The following CNTNAP2 variants were observed in gnomAD, a reference collection of about 807,000 sequenced individuals.
The protein encoded by CNTNAP2 is contactin associated protein 2.
CNTNAP2 carries 98 observed loss-of-function variants against 155.2 expected under a neutral mutation model. The observed-to-expected ratio is 0.63, with a 90% CI of 0.54 to 0.75. CNTNAP2 has a LOEUF of 0.75. Ranked by LOEUF, CNTNAP2 falls within the 30% of genes least tolerant of loss-of-function variation. The pLI, the probability that CNTNAP2 is intolerant of heterozygous loss-of-function variation, is 0.00. For synonymous variants in CNTNAP2, 651 were observed against 631.2 expected (o/e 1.03, Z -0.47); for missense variants, 1,727 against 1,688.1 (o/e 1.02, Z -0.40).
chr7:146,753,643 A>T (rs1401896495), intron 1 of CNTNAP2, among the ~76,000 whole-genome samples: 3 of 152,098 alleles, frequency 2.0e-5, no homozygotes, highest in African/African-American at 7.2e-5. Flanking sequence ...TAGAAGTTAT[A>T]TAAGTAAAAA....
At chr7:147,814,344 G>A (rs74351412) in intron 13 of CNTNAP2, among the ~76,000 whole-genome samples, 1,723 of 152,258 alleles carry the variant, frequency 0.011, 95 homozygotes, top group Admixed American at 0.09. Flanking sequence ...TTATTTTGGT[G>A]TCTTTTCTGG....
At chr7:146,382,622 T>TAA (rs34832075) in intron 1 of CNTNAP2, among the ~76,000 whole-genome samples, 1 of 152,170 alleles carries the variant, frequency 6.6e-6, no homozygotes, top group Non-Finnish European at 1.5e-5. Context: ...AAGTAACATT[T>TAA]AAAAATTTTG....
intron 1 of CNTNAP2, among the ~76,000 whole-genome samples, chr7:146,741,268 G>T (rs1238459874): frequency 6.6e-6 from 1 of 152,090 alleles, no homozygotes; most frequent in Non-Finnish European, 1.5e-5. Context: ...TTATTTTTGT[G>T]CATAGATAGC....
At chr7:147,580,986 A>C (rs1421412535) in intron 12 of CNTNAP2, among the ~76,000 whole-genome samples, 1 of 152,186 alleles carries the variant, frequency 6.6e-6, no homozygotes, top group Non-Finnish European at 1.5e-5. Context: ...CATCATCCTC[A>C]ATAAAGTTCT....
At chr7:147,422,136 T>C (rs1436113269) in intron 10 of CNTNAP2, among the ~76,000 whole-genome samples, 2 of 142,370 alleles carry the variant, frequency 1.4e-5, no homozygotes, top group Non-Finnish European at 1.5e-5. Flanking sequence ...ATATACAGTA[T>C]ATATATATAG....
chr7:148,227,884 CGT>C (rs3057282), intron 19 of CNTNAP2, among the ~76,000 whole-genome samples: 30,323 of 130,994 alleles, frequency 0.23, 3,236 homozygotes, highest in East Asian at 0.28. Flanking sequence ...AAGAGCACAG[CGT>C]GTGTGTGTGT....
intron 1 of CNTNAP2, among the ~76,000 whole-genome samples, chr7:146,723,473 C>T (rs1426893348): frequency 6.6e-6 from 1 of 152,152 alleles, no homozygotes; most frequent in Admixed American, 6.5e-5. Flanking sequence ...CTTATTTAGA[C>T]TTACTAAAAT....
At chr7:146,350,682 T>C (rs977341037) in intron 1 of CNTNAP2, among the ~76,000 whole-genome samples, 2 of 152,134 alleles carry the variant, frequency 1.3e-5, no homozygotes, top group Non-Finnish European at 2.9e-5. Context: ...TTACTGGTTA[T>C]ATACCCAAAG....
At chr7:146,619,337 A>C (rs931369257) in intron 1 of CNTNAP2, among the ~76,000 whole-genome samples, 27 of 152,156 alleles carry the variant, frequency 1.8e-4, no homozygotes, top group African/African-American at 6.5e-4. Context: ...CTTCATTATC[A>C]CTATCCATTT....
chr7:147,485,231 A>G (rs1798490344), intron 10 of CNTNAP2, among the ~76,000 whole-genome samples: 1 of 152,200 alleles, frequency 6.6e-6, no homozygotes, highest in Middle Eastern at 3.2e-3. Flanking sequence ...CAAACCTTAA[A>G]ATTATTTGTA....
Position 146,855,835 on chromosome 7 carries a change from A to G in CNTNAP2, c.402+15931A>G, listed in dbSNP as rs1052094112. Among the ~76,000 whole-genome samples the G allele has an allele frequency of 3.0e-4, 41 of 137,866 alleles. 1 individual carries two copies. The highest frequency in any genetic ancestry group is 8.8e-4 in the South Asian group (4 of 4,522). The allele number at this position is 137,866 out of a possible 152,430, so 90.4% of individuals were successfully genotyped here. ...TATATATATATATATATATATATATATATATATATATATATATACACACTT... is the reference window on the plus strand; with the variant it reads ...TATATATATATATATATATATATATGTATATATATATATATATACACACTT... On this transcript the variant is annotated intron_variant, in intron 3 of 23. Coordinates refer to ENST00000361727, the MANE Select transcript of CNTNAP2 (RefSeq NM_014141.6).
At chr7:147,135,076 T>A (rs966272907) in intron 8 of CNTNAP2, among the ~76,000 whole-genome samples, 2 of 151,866 alleles carry the variant, frequency 1.3e-5, no homozygotes, top group Non-Finnish European at 1.5e-5. Context: ...TCAAAAACCT[T>A]TTTTTCCATC....
chr7:146,815,411 T>C (rs1347956418), intron 2 of CNTNAP2, among the ~76,000 whole-genome samples: 1 of 152,166 alleles, frequency 6.6e-6, no homozygotes, highest in East Asian at 1.9e-4. Flanking sequence ...TATTTCTTTG[T>C]AAAATATAGT....
chr7:148,297,165 AAAGGAAGG>A (rs141074994), intron 21 of CNTNAP2, among the ~76,000 whole-genome samples: 1,862 of 128,914 alleles, frequency 0.014, 46 homozygotes, highest in African/African-American at 0.051. Context: ...GAGATAGAGA[AAAGGAAGG>A]AAGGAAGGAA....
At chr7:147,565,782 A>G (rs1039420480) in intron 12 of CNTNAP2, among the ~76,000 whole-genome samples, 4 of 144,056 alleles carry the variant, frequency 2.8e-5, no homozygotes, top group Non-Finnish European at 4.7e-5. Flanking sequence ...AAGGAAGCTC[A>G]AGAACTTACT....
At chr7:148,159,204 A>T (rs915575624) in intron 17 of CNTNAP2, among the ~76,000 whole-genome samples, 5 of 151,994 alleles carry the variant, frequency 3.3e-5, no homozygotes, top group Non-Finnish European at 5.9e-5. Context: ...TCACATCCTG[A>T]CAATGTTCCT....
chr7:146,822,521 C>G (rs534598256), intron 2 of CNTNAP2, among the ~76,000 whole-genome samples: 93 of 150,866 alleles, frequency 6.2e-4, no homozygotes, highest in South Asian at 4.2e-4. Context: ...GTCCCACCTT[C>G]CCCTGTTTTT....
At chr7:147,660,317 T>G (rs1360144822) in intron 13 of CNTNAP2, among the ~76,000 whole-genome samples, 1 of 152,238 alleles carries the variant, frequency 6.6e-6, no homozygotes. Context: ...TACAGTTTTC[T>G]GAGCAACTCC....
At chr7:146,241,885 T>G (rs1380381590) in intron 1 of CNTNAP2, among the ~76,000 whole-genome samples, 2 of 151,758 alleles carry the variant, frequency 1.3e-5, no homozygotes, top group Admixed American at 1.3e-4. Flanking sequence ...AAGACTCTAT[T>G]AAGATAAAAA....
Sources: allele counts gnomAD v4.1 joint callset (sites outside exome capture counted in the v4.1 genomes callset), GRCh38; gene constraint gnomAD v4.1.1; transcripts MANE v1.5; gene names NCBI Gene and HGNC (gene_info 2026-07-23, HGNC 2026-07-21).